Variants in SAMD4A observed in about 807,000 individuals in gnomAD.
SAMD4A encodes sterile alpha motif domain containing 4A, also known as protein Smaug homolog 1.
A neutral mutation model predicts 81.3 loss-of-function variants in SAMD4A; 33 were observed. The ratio of observed to expected loss-of-function variants is 0.41; its 90% CI spans 0.31 to 0.54. The LOEUF is 0.54. Ranked by LOEUF, SAMD4A falls within the 20% of genes least tolerant of loss-of-function variation. The pLI is 0.37. For missense variants in SAMD4A, 854 were observed against 951.1 expected (o/e 0.90, Z 1.34); for synonymous variants, 389 against 382.1 (o/e 1.02, Z -0.21).
chr14:54,595,026 A>G (rs181249846), intron 2 of SAMD4A, among the ~76,000 whole-genome samples: 17 of 152,330 alleles, frequency 1.1e-4, no homozygotes, highest in African/African-American at 4.1e-4. Context: ...TCATTGAAAA[A>G]ATACCTACTC....
chr14:54,763,514 A>T (rs150538746), intron 7 of SAMD4A, among the ~76,000 whole-genome samples: 141 of 152,334 alleles, frequency 9.3e-4, no homozygotes, highest in Admixed American at 1.7e-3. Flanking sequence ...GGTAGTTTAC[A>T]AGGTTTTGTT....
intron 2 of SAMD4A, among the ~76,000 whole-genome samples, chr14:54,633,003 A>G (rs554844701): frequency 2.0e-5 from 3 of 152,338 alleles, no homozygotes; most frequent in African/African-American, 7.2e-5. Flanking sequence ...CATTTCACAC[A>G]TGTACAAGTT....
At chr14:54,704,589 G>C (rs560967592) in intron 3 of SAMD4A, among the ~76,000 whole-genome samples, 1 of 152,304 alleles carries the variant, frequency 6.6e-6, no homozygotes, top group African/African-American at 2.4e-5. Context: ...GTAGATGACT[G>C]TCATGGCCTT....
At chr14:54,688,432 T>C (rs2036337247) in intron 2 of SAMD4A, 1 of 915,700 alleles carries the variant, frequency 1.1e-6, no homozygotes, top group Non-Finnish European at 1.3e-6. Flanking sequence ...GTGGTAAAGA[T>C]GCTTTAAAAC....
intron 2 of SAMD4A, among the ~76,000 whole-genome samples, chr14:54,648,120 G>T (rs1447526876): frequency 1.3e-5 from 2 of 152,228 alleles, no homozygotes; most frequent in Non-Finnish European, 2.9e-5. Context: ...AGTGGGAGGG[G>T]AATGGAGGCT....
At chr14:54,625,287 G>A (rs748673799) in intron 2 of SAMD4A, among the ~76,000 whole-genome samples, 12 of 152,166 alleles carry the variant, frequency 7.9e-5, no homozygotes, top group Non-Finnish European at 1.8e-4. Context: ...CTGCTGTTGC[G>A]TGCATTCAGA....
rs1555345478 is a variant in SAMD4A at position 54,706,294 on chromosome 14, A to AAAAAG, written c.715+3716_715+3717insAAGAA. Among the ~76,000 whole-genome samples the AAAAAG allele has an allele frequency of 1.8e-4, 25 of 139,958 alleles. No individual in the cohort carries two copies. The East Asian group carries it at 4.4e-3, about 25-fold the overall frequency. The allele number at this position is 139,958 out of a possible 152,430, so 91.8% of individuals were successfully genotyped here. A position where few individuals can be genotyped will look rare whatever the true frequency, so the allele number is the denominator to read the frequency against. On this transcript the variant is annotated intron_variant, in intron 3 of 12. Transcript: ENST00000554335. Reference sequence around the variant, plus strand: ...AGACTTAGTCTCAAAAAAAAAAAAAAAAGAAGAAGAAGAAGAAAGAAAAAA... The same window carrying AAAAAG: ...AGACTTAGTCTCAAAAAAAAAAAAAAAAAAGAAGAAGAAGAAGAAGAAAGAAAAAA...
At chr14:54,639,960 A>G (rs573472559) in intron 2 of SAMD4A, among the ~76,000 whole-genome samples, 2 of 152,230 alleles carry the variant, frequency 1.3e-5, no homozygotes, top group Admixed American at 6.5e-5. Flanking sequence ...CTTATTTTCA[A>G]TAGGCTATGT....
intron 11 of SAMD4A, 153 bp from the exon 12 acceptor site, chr14:54,784,384 T>C: frequency 1.9e-6 from 3 of 1,573,690 alleles, no homozygotes; most frequent in Non-Finnish European, 2.6e-6. Flanking sequence ...CCTTAGAGGT[T>C]GGTTGAGCCT....
At chr14:54,606,789 G>T (rs1435911378) in intron 2 of SAMD4A, among the ~76,000 whole-genome samples, 2 of 152,164 alleles carry the variant, frequency 1.3e-5, no homozygotes, top group Non-Finnish European at 1.5e-5. Context: ...CCTTTAGTTT[G>T]GTGGCTGAAA....
chr14:54,636,335 C>A (rs1399380983), intron 2 of SAMD4A, among the ~76,000 whole-genome samples: 1 of 152,096 alleles, frequency 6.6e-6, no homozygotes, highest in Non-Finnish European at 1.5e-5. Context: ...GGAGGCGAAA[C>A]CCCAAGAGGT....
rs74049634 is a variant in SAMD4A at position 54,749,696 on chromosome 14, G to A, written c.1089+772G>A. On this transcript the variant is annotated intron_variant, in intron 5 of 12. Transcript: ENST00000554335. ...GCATGTTTCCTACCACGCTGTGCTC[G>A]GGTAAATGGATCTGACCAATGTCTT... is the stretch of plus-strand genomic sequence containing the variant. 7.5e-3 allele frequency among the ~76,000 whole-genome samples: 1,149 copies of A among 152,312 alleles called. 17 individuals are homozygous for A. Among genetic ancestry groups the A allele is most frequent in the African/African-American group, 0.025 (1,047 of 41,560 alleles).
chr14:54,732,874 A>G (rs1162344619), intron 3 of SAMD4A, among the ~76,000 whole-genome samples: 1 of 152,210 alleles, frequency 6.6e-6, no homozygotes, highest in Admixed American at 6.5e-5. Flanking sequence ...CTTAAAGAGT[A>G]CTAAATATTC....
intron 2 of SAMD4A, chr14:54,694,175 G>A (rs1286277341): frequency 2.1e-5 from 3 of 140,798 alleles, no homozygotes; most frequent in Non-Finnish European, 4.9e-5. Context: ...GGAAGCCATT[G>A]ACATGTTTGA....
intron 9 of SAMD4A, among the ~76,000 whole-genome samples, chr14:54,772,191 T>C (rs946191120): frequency 6.6e-6 from 1 of 152,242 alleles, no homozygotes; most frequent in African/African-American, 2.4e-5. Context: ...TAATTGGTTC[T>C]TATTAATGTT....
rs531872676 is a variant in SAMD4A at position 54,777,574 on chromosome 14, A to G, written c.2044+1034A>G. The stretch of plus-strand genomic sequence containing the variant: ...GCCGATGGTGGGGGACTTTGAATCC[A>G]AAGCTGAGGAGCTTGGACTCTGGCC... On this transcript the variant is annotated intron_variant, in intron 11 of 12. Coordinates refer to ENST00000554335, the MANE Select transcript of SAMD4A (RefSeq NM_015589.6). Among the ~76,000 whole-genome samples, 29 of 152,268 alleles carry G rather than the reference A, an allele frequency of 1.9e-4. 1 individual carries two copies. The South Asian group carries it at 5.0e-3, about 26-fold the overall frequency.
At chr14:54,579,416 T>C (rs2033400372) in intron 2 of SAMD4A, among the ~76,000 whole-genome samples, 1 of 152,248 alleles carries the variant, frequency 6.6e-6, no homozygotes, top group Admixed American at 6.5e-5. Context: ...TCCCAAAACC[T>C]ATGTTGAATC....
chr14:54,684,927 A>C (rs1183057528), intron 2 of SAMD4A, among the ~76,000 whole-genome samples: 2 of 152,204 alleles, frequency 1.3e-5, no homozygotes, highest in African/African-American at 4.8e-5. Flanking sequence ...TCTGGGTACC[A>C]GGTTTTCAAA....
chr14:54,716,743 CTGAT>C (rs1428006772), intron 3 of SAMD4A, among the ~76,000 whole-genome samples: 1 of 152,114 alleles, frequency 6.6e-6, no homozygotes. Flanking sequence ...ACAGTCTTCT[CTGAT>C]TGTATGTTGG....
Sources: allele counts gnomAD v4.1 joint callset (sites outside exome capture counted in the v4.1 genomes callset), GRCh38; gene constraint gnomAD v4.1.1; transcripts MANE v1.5; gene names NCBI Gene and HGNC (gene_info 2026-07-23, HGNC 2026-07-21).